The following CCDC178 variants were observed in gnomAD, a reference collection of about 807,000 sequenced individuals.
The protein encoded by CCDC178 is coiled-coil domain-containing protein 178.
Under a neutral mutation model 117.4 loss-of-function variants are expected in CCDC178, and 126 were observed. That is an observed-to-expected ratio of 1.07 (90% CI 0.93 to 1.24). The LOEUF (loss-of-function observed/expected upper bound fraction) is 1.24. Ranked by LOEUF, CCDC178 falls within the 50% of genes most tolerant of loss-of-function variation. CCDC178 has a pLI of 0.00. For missense variants in CCDC178, 1,030 were observed against 986.9 expected (o/e 1.04, Z -0.59); for synonymous variants, 283 against 313.4 (o/e 0.90, Z 1.02).
At chr18:33,169,290 T>C (rs2058569517) in intron 20 of CCDC178, among the ~76,000 whole-genome samples, 1 of 152,190 alleles carries the variant, frequency 6.6e-6, no homozygotes, top group South Asian at 2.1e-4. Context: ...TAGGGATACA[T>C]TTTACTGGGA....
chr18:33,132,701 AAC>A (rs1223939317), intron 20 of CCDC178, among the ~76,000 whole-genome samples: 1 of 151,726 alleles, frequency 6.6e-6, no homozygotes. Context: ...AAGAACAACA[AAC>A]ACAATTTTTT....
At chr18:33,171,386 A>C (rs770327693) in intron 20 of CCDC178, among the ~76,000 whole-genome samples, 4 of 152,220 alleles carry the variant, frequency 2.6e-5, no homozygotes, top group Non-Finnish European at 5.9e-5. Context: ...AATGGACAAC[A>C]TCCTCTTTAT....
intron 22 of CCDC178, among the ~76,000 whole-genome samples, chr18:32,946,376 T>C (rs530325343): frequency 1.3e-5 from 2 of 152,358 alleles, no homozygotes; most frequent in South Asian, 4.1e-4. Context: ...CTGATTGCTT[T>C]GAAATGAGTA....
intron 11 of CCDC178, among the ~76,000 whole-genome samples, chr18:33,299,221 C>T (rs750557288): frequency 4.6e-5 from 7 of 151,954 alleles, no homozygotes; most frequent in Non-Finnish European, 1.0e-4. Context: ...CTGTTATATC[C>T]AAAACAGCAT....
chr18:33,064,489 C>G (rs1186984652), intron 21 of CCDC178, among the ~76,000 whole-genome samples: 1 of 152,192 alleles, frequency 6.6e-6, no homozygotes, highest in African/African-American at 2.4e-5. Context: ...TTTGAAATAA[C>G]CCAGTCAGAC....
intron 20 of CCDC178, among the ~76,000 whole-genome samples, chr18:33,202,980 C>T (rs776171337): frequency 2.6e-5 from 4 of 152,112 alleles, no homozygotes; most frequent in Admixed American, 6.5e-5. Context: ...AGTAGTAGAT[C>T]ATAGCATATA....
intron 21 of CCDC178, among the ~76,000 whole-genome samples, chr18:33,085,487 T>C (rs1010278037): frequency 2.6e-5 from 4 of 151,938 alleles, no homozygotes; most frequent in Non-Finnish European, 4.4e-5. Flanking sequence ...GGCGTGAACC[T>C]GGGAGGCGGA....
intron 22 of CCDC178, among the ~76,000 whole-genome samples, chr18:32,945,001 T>A (rs1257092843): frequency 1.3e-5 from 2 of 152,128 alleles, no homozygotes; most frequent in Non-Finnish European, 2.9e-5. Flanking sequence ...CAGTTTGGGG[T>A]ATGTCTTTAT....
intron 21 of CCDC178, among the ~76,000 whole-genome samples, chr18:33,034,519 CT>C (rs2056406193): frequency 6.6e-6 from 1 of 151,870 alleles, no homozygotes; most frequent in African/African-American, 2.4e-5. Context: ...TTTATATTTG[CT>C]GCTGCTTTTT....
chr18:33,187,988 G>T (rs970799016), intron 20 of CCDC178, among the ~76,000 whole-genome samples: 1 of 152,156 alleles, frequency 6.6e-6, no homozygotes, highest in African/African-American at 2.4e-5. Context: ...ATACAATGGG[G>T]AAGGAAATAC....
intron 21 of CCDC178, among the ~76,000 whole-genome samples, chr18:33,013,159 C>A (rs1812490059): frequency 6.6e-6 from 1 of 152,072 alleles, no homozygotes; most frequent in South Asian, 2.1e-4. Context: ...TTACTCCCAC[C>A]AAGCTTTAGT....
chr18:33,317,134 T>C (rs1203451716), intron 11 of CCDC178, among the ~76,000 whole-genome samples: 1 of 152,116 alleles, frequency 6.6e-6, no homozygotes, highest in Admixed American at 6.5e-5. Flanking sequence ...GGAAGCTTTG[T>C]TCTTTCGCTC....
intron 20 of CCDC178, among the ~76,000 whole-genome samples, chr18:33,145,471 T>A (rs910654440): frequency 4.6e-5 from 7 of 152,210 alleles, no homozygotes; most frequent in African/African-American, 1.2e-4. Context: ...ATTTATTGGG[T>A]ATAGTACACT....
chr18:33,414,715 TAA>T (rs1439878128), intron 2 of CCDC178, among the ~76,000 whole-genome samples: 1 of 152,146 alleles, frequency 6.6e-6, no homozygotes, highest in Non-Finnish European at 1.5e-5. Context: ...CTAATTAAAC[TAA>T]AGAGTTTCTG....
chr18:33,327,185 T>C (rs1159371595), intron 10 of CCDC178, among the ~76,000 whole-genome samples: 5 of 152,242 alleles, frequency 3.3e-5, no homozygotes, highest in South Asian at 2.1e-4. Flanking sequence ...CTGCATCTTT[T>C]ATATAAATGA....
chr18:33,038,992 T>C (rs1218218752), intron 21 of CCDC178, among the ~76,000 whole-genome samples: 5 of 152,138 alleles, frequency 3.3e-5, no homozygotes, highest in Admixed American at 1.3e-4. Flanking sequence ...CAAAAGCTCA[T>C]ATTTTAAACT....
chr18:33,402,441 G>A (rs1044092964), intron 3 of CCDC178, among the ~76,000 whole-genome samples: 4 of 152,108 alleles, frequency 2.6e-5, no homozygotes, highest in East Asian at 1.9e-4. Flanking sequence ...TTACGATATC[G>A]GAGGAGGAAG....
chr18:33,418,416 C>T (rs915544082), intron 2 of CCDC178, among the ~76,000 whole-genome samples: 7 of 152,066 alleles, frequency 4.6e-5, no homozygotes, highest in Non-Finnish European at 1.0e-4. Flanking sequence ...ATTCACTTCC[C>T]TTGAGAACCA....
At chr18:33,329,338 T>C (rs538053452) in intron 10 of CCDC178, among the ~76,000 whole-genome samples, 7 of 152,330 alleles carry the variant, frequency 4.6e-5, no homozygotes, top group African/African-American at 1.7e-4. Flanking sequence ...CAAATAGAAG[T>C]AGTAAAACTG....
Sources: allele counts gnomAD v4.1 joint callset (sites outside exome capture counted in the v4.1 genomes callset), GRCh38; gene constraint gnomAD v4.1.1; transcripts MANE v1.5; gene names NCBI Gene and HGNC (gene_info 2026-07-23, HGNC 2026-07-21).